FUBP1: variants seen among roughly 807,000 people sequenced by gnomAD.
FUBP1 encodes far upstream element-binding protein 1.
FUBP1 carries 16 observed loss-of-function variants against 94.9 expected under a neutral mutation model. That is an observed-to-expected ratio of 0.17 (90% CI 0.11 to 0.26). FUBP1 has a LOEUF of 0.26. Among genes scored for constraint, FUBP1 ranks in the 10% least tolerant of loss-of-function variants. The pLI is 1.00. For synonymous variants in FUBP1, 279 were observed against 254.9 expected (o/e 1.09, Z -0.90); for missense variants, 583 against 808.6 (o/e 0.72, Z 3.38).
Position 77,944,538 on chromosome 1 carries a change from G to T in FUBP1, c.*4228C>A, listed in dbSNP as rs958369292. 6.6e-6 allele frequency among the ~76,000 whole-genome samples: 1 copy of T among 151,830 alleles called. No homozygotes were observed. Among genetic ancestry groups the T allele is most frequent in the African/African-American group, 2.4e-5 (1 of 41,394 alleles). ...ATCTTTAATTAGGTATTGTTATAAT[G>T]CATTTTAAAGTGAGGCAGAGTTTGC... On this transcript the variant is annotated 3_prime_UTR_variant, in exon 20 of 20. Transcript: ENST00000370768.
Position 77,948,257 on chromosome 1 carries a change from T to C in FUBP1, c.*509A>G. ...GAAAAGATCCTCCAATCTACCACTATACTGCAAGGGGGGAAAAACATGCCA... is the reference window on the plus strand; with the variant it reads ...GAAAAGATCCTCCAATCTACCACTACACTGCAAGGGGGGAAAAACATGCCA... On this transcript the variant is annotated 3_prime_UTR_variant, in exon 20 of 20. Coordinates refer to ENST00000370768, the MANE Select transcript of FUBP1 (RefSeq NM_003902.5). 1 of 1,055,858 alleles carries C rather than the reference T, an allele frequency of 9.5e-7. No individual in the cohort carries two copies. The highest frequency in any genetic ancestry group is 5.3e-5 in the East Asian group (1 of 18,750). 65.4% of individuals were successfully genotyped at this position (1,055,858 alleles called of 1,614,324 possible).
rs2102222853 is a variant in FUBP1, at chr1:77,947,972, T to C, written c.*794A>G. 9.8e-7 allele frequency: 1 copy of C among 1,018,246 alleles called. No homozygotes were observed. The highest frequency in any genetic ancestry group is 1.7e-5 in the African/African-American group (1 of 58,936). The allele number at this position is 1,018,246 out of a possible 1,614,324, so 63.1% of individuals were successfully genotyped here. On this transcript the variant is annotated 3_prime_UTR_variant, in exon 20 of 20. Transcript: ENST00000370768. Reference sequence around the variant, plus strand: ...TTCTTATTAGACTACTCATATTCACTATCTGAAAACTGTTTAAAATTAGTT... The same window carrying C: ...TTCTTATTAGACTACTCATATTCACCATCTGAAAACTGTTTAAAATTAGTT...
At chr1:77,972,994 C>T (rs1282520703) in intron 1 of FUBP1, among the ~76,000 whole-genome samples, 2 of 146,116 alleles carry the variant, frequency 1.4e-5, no homozygotes, top group African/African-American at 2.5e-5. Context: ...AACGCTAATA[C>T]AGCAAGACTC....
At chr1:77,976,145 T>G (rs1658554414) in intron 1 of FUBP1, among the ~76,000 whole-genome samples, 1 of 152,224 alleles carries the variant, frequency 6.6e-6, no homozygotes, top group South Asian at 2.1e-4. Context: ...TTAGGATTAG[T>G]TGAGGATTCT....
chr1:77,978,781 G>T (rs1350919823), intron 1 of FUBP1, 104 bp downstream of exon 1: 42 of 1,377,406 alleles, frequency 3.0e-5, no homozygotes, highest in Non-Finnish European at 4.0e-5. Context: ...CAGCCCGGAA[G>T]AACACCTCTT....
At chr1:77,949,343 G>A (rs1349438604) in intron 18 of FUBP1, 43 bp from the exon 19 acceptor site, 21 of 1,515,406 alleles carry the variant, frequency 1.4e-5, no homozygotes, top group Non-Finnish European at 1.9e-5. Flanking sequence ...ACAATTATAA[G>A]CCCAACATCT....
At chr1:77,968,269 G>T in intron 2 of FUBP1, 66 bp from the exon 3 acceptor site, 1 of 858,146 alleles carries the variant, frequency 1.2e-6, no homozygotes. Context: ...TCCCAAACAA[G>T]AATAAATAAC....
At position 77,978,966 on chromosome 1, in the gene FUBP1, G is replaced by A. The variant is rs1341497333; in HGVS notation, c.39C>T (p.Gly13=). 3.7e-6 allele frequency: 6 copies of A among 1,613,694 alleles called. No individual in the cohort carries two copies. The highest frequency in any genetic ancestry group is 1.1e-5 in the South Asian group (1 of 91,068). Residue 13 remains glycine, a synonymous_variant, in exon 1 of 20, where the codon GGC becomes GGT. Transcript: ENST00000370768. ...DYSTVPPPSS[G]SAGGGGGGGG... ...CGCCGCCACCACCGCCACCAGCTGA[G>A]CCAGAAGAGGGGGGAGGCACTGTTG...
intron 1 of FUBP1, among the ~76,000 whole-genome samples, chr1:77,970,698 T>C (rs1371312261): frequency 6.6e-6 from 1 of 152,218 alleles, no homozygotes; most frequent in East Asian, 1.9e-4. Flanking sequence ...AGAAGATTTT[T>C]AAATTTTAGA....
At chr1:77,956,828 A>G (rs1452978331) in intron 16 of FUBP1, 128 bp from the exon 17 acceptor site, 5 of 532,042 alleles carry the variant, frequency 9.4e-6, no homozygotes. Flanking sequence ...AACATTAAAA[A>G]AAGTATATGA....
chr1:77,960,567 A>C, intron 14 of FUBP1, 72 bp from the exon 15 acceptor site: 11 of 1,215,844 alleles, frequency 9.0e-6, no homozygotes, highest in South Asian at 1.4e-5. Flanking sequence ...CGGCCAAATA[A>C]TCATCCATTT....
At chr1:77,956,136 T>C (rs1409022301) in intron 17 of FUBP1, among the ~76,000 whole-genome samples, 1 of 152,232 alleles carries the variant, frequency 6.6e-6, no homozygotes, top group African/African-American at 2.4e-5. Context: ...AATATATCAA[T>C]GTTGACTTAC....
At position 77,964,181 on chromosome 1, in the gene FUBP1, AAATT is replaced by A. The variant is rs758069676; in HGVS notation, c.941-23_941-20del. Reference sequence around the variant, plus strand: ...CCATCATCTTCAAAACAAAGAAACAAAATTAATTAAACAATAAATGTATGTCAAA... The same window carrying A: ...CCATCATCTTCAAAACAAAGAAACAAAATTAAACAATAAATGTATGTCAAA... On this transcript the variant is annotated intron_variant, in intron 11 of 19. Transcript: ENST00000370768. The A allele has an allele frequency of 1.5e-4, 233 of 1,567,800 alleles. 1 individual carries two copies. In the African/African-American group the frequency reaches 1.5e-3, roughly 10 times the overall value.
intron 18 of FUBP1, among the ~76,000 whole-genome samples, chr1:77,949,655 TA>T (rs1267484424): frequency 6.6e-6 from 1 of 152,054 alleles, no homozygotes; most frequent in Non-Finnish European, 1.5e-5. Flanking sequence ...TCATTATTAG[TA>T]AAAAAACAGA....
At chr1:77,970,169 G>A (rs1657251717) in intron 1 of FUBP1, among the ~76,000 whole-genome samples, 154 bp from the exon 2 acceptor site, 1 of 152,014 alleles carries the variant, frequency 6.6e-6, no homozygotes, top group Admixed American at 6.5e-5. Context: ...TCAATTTATT[G>A]CTACCATTAA....
In FUBP1 at chr1:77,963,417, C is replaced by T. The variant is rs535804039; in HGVS notation, c.1183+157G>A. 8.5e-4 allele frequency among the ~76,000 whole-genome samples: 130 copies of T among 152,222 alleles called. 1 individual carries two copies. Among genetic ancestry groups the T allele is most frequent in the African/African-American group, 3.0e-3 (123 of 41,528 alleles). On this transcript the variant is annotated intron_variant, in intron 13 of 19. Transcript: ENST00000370768. Reference sequence around the variant, plus strand: ...TCTTTCTCTAAATATACATGAGATCCCTCATTTATGTTTTACTTGTTACAT... The same window carrying T: ...TCTTTCTCTAAATATACATGAGATCTCTCATTTATGTTTTACTTGTTACAT...
At chr1:77,961,238 CTTCT>C (rs964312658) in intron 14 of FUBP1, among the ~76,000 whole-genome samples, 20 of 152,148 alleles carry the variant, frequency 1.3e-4, no homozygotes, top group African/African-American at 4.3e-4. Flanking sequence ...TAAAATGCTC[CTTCT>C]GAGTAGTTAA....
chr1:77,946,371 A>G lies in FUBP1; in HGVS notation c.*2395T>C, dbSNP rs989706481. 3.1e-5 allele frequency: 6 copies of G among 195,442 alleles called. No individual in the cohort carries two copies. Among genetic ancestry groups the G allele is most frequent in the African/African-American group, 1.4e-4 (6 of 43,206 alleles). The allele number at this position is 195,442 out of a possible 1,614,324, so 12.1% of individuals were successfully genotyped here. A position where few individuals can be genotyped will look rare whatever the true frequency, so the allele number is the denominator to read the frequency against. On this transcript the variant is annotated 3_prime_UTR_variant, in exon 20 of 20. Transcript: ENST00000370768. ...AGAAATGTAAACAGTTGCTTTAACA[A>G]CTTACAGACTTTCCACTAAGATGGT...
At chr1:77,962,236 G>C (rs1183894679) in intron 14 of FUBP1, among the ~76,000 whole-genome samples, 2 of 152,092 alleles carry the variant, frequency 1.3e-5, no homozygotes, top group Non-Finnish European at 2.9e-5. Flanking sequence ...TTAGATGCTG[G>C]GCCCTATCCC....
Sources: gnomAD v4.1 joint callset for allele counts (sites outside exome capture counted in the v4.1 genomes callset) on GRCh38, gnomAD v4.1.1 for gene constraint, MANE v1.5 for transcripts, NCBI Gene and HGNC (gene_info 2026-07-23, HGNC 2026-07-21) for gene names.